ZHX2: variants seen among roughly 807,000 people sequenced by gnomAD.
ZHX2 encodes the protein zinc fingers and homeoboxes 2.
A neutral mutation model predicts 21.9 loss-of-function variants in ZHX2; 6 were observed. The observed-to-expected ratio is 0.27, with a 90% CI of 0.15 to 0.54. ZHX2 has a LOEUF of 0.54. Ranked by LOEUF, ZHX2 falls within the 20% of genes least tolerant of loss-of-function variation. The probability of loss-of-function intolerance (pLI) is 0.95; values close to 1 mark genes in which losing one functional copy is unlikely to be tolerated. For missense variants in ZHX2, 908 were observed against 1,090.7 expected (o/e 0.83, Z 2.36); for synonymous variants, 434 against 437.1 (o/e 0.99, Z 0.09).
intron 2 of ZHX2, among the ~76,000 whole-genome samples, chr8:122,899,951 G>A (rs777933826): frequency 1.3e-5 from 2 of 152,192 alleles, no homozygotes; most frequent in Non-Finnish European, 2.9e-5. Flanking sequence ...ACATTATGTT[G>A]AGTTTAGGCG....
chr8:122,854,906 C>A (rs1818993018), intron 1 of ZHX2, among the ~76,000 whole-genome samples: 1 of 152,204 alleles, frequency 6.6e-6, no homozygotes. Context: ...TGATTTCAAG[C>A]TCATTGAAAG....
At chr8:122,814,339 C>T (rs1437331381) in intron 1 of ZHX2, among the ~76,000 whole-genome samples, 1 of 152,222 alleles carries the variant, frequency 6.6e-6, no homozygotes, top group Non-Finnish European at 1.5e-5. Flanking sequence ...TTGACACCCA[C>T]TGGCCACATT....
chr8:122,868,959 A>G (rs1428166892), intron 2 of ZHX2, among the ~76,000 whole-genome samples: 1 of 152,200 alleles, frequency 6.6e-6, no homozygotes, highest in Non-Finnish European at 1.5e-5. Flanking sequence ...GCCGAGACTC[A>G]TTAGGACTCC....
chr8:122,958,979 G>C (rs1482723103), intron 3 of ZHX2, among the ~76,000 whole-genome samples: 2 of 152,188 alleles, frequency 1.3e-5, no homozygotes, highest in African/African-American at 2.4e-5. Flanking sequence ...ACAGAAACCA[G>C]AGGAGCTAGG....
rs183444593 is a variant in ZHX2, at chr8:122,861,031, G to A, written c.-282-2446G>A. ...CAGCCTGGAGACAGAGCAAGACTTC[G>A]TCTCAAAAAAAAAAAAAAAAAAAAA... On this transcript the variant is annotated intron_variant, in intron 1 of 3. Transcript: ENST00000314393. Among the ~76,000 whole-genome samples the A allele has an allele frequency of 6.8e-4, 72 of 105,602 alleles. No homozygotes were observed. The East Asian group carries it at 0.019, about 27-fold the overall frequency. The allele number at this position is 105,602 out of a possible 152,430, so 69.3% of individuals were successfully genotyped here. A position where few individuals can be genotyped will look rare whatever the true frequency, so the allele number is the denominator to read the frequency against.
intron 2 of ZHX2, among the ~76,000 whole-genome samples, chr8:122,913,542 A>G (rs1378121153): frequency 6.6e-6 from 1 of 152,204 alleles, no homozygotes; most frequent in Non-Finnish European, 1.5e-5. Context: ...ACTTATTGGC[A>G]GGTGGGACTC....
chr8:122,798,463 G>A (rs1817655732), intron 1 of ZHX2, among the ~76,000 whole-genome samples: 1 of 152,144 alleles, frequency 6.6e-6, no homozygotes, highest in Non-Finnish European at 1.5e-5. Flanking sequence ...TTTTGGCTCT[G>A]AATACATTGC....
intron 1 of ZHX2, among the ~76,000 whole-genome samples, chr8:122,856,413 A>T (rs1364799200): frequency 6.6e-6 from 1 of 152,122 alleles, no homozygotes; most frequent in African/African-American, 2.4e-5. Flanking sequence ...TTTAGGGATT[A>T]TGGAGAACCC....
chr8:122,873,352 T>C (rs1381668827), intron 2 of ZHX2, among the ~76,000 whole-genome samples: 3 of 152,168 alleles, frequency 2.0e-5, no homozygotes, highest in Non-Finnish European at 4.4e-5. Flanking sequence ...CTCTGTAGCA[T>C]GCTAACCCCA....
chr8:122,921,154 A>T (rs1166414666), intron 2 of ZHX2, among the ~76,000 whole-genome samples: 1 of 151,458 alleles, frequency 6.6e-6, no homozygotes, highest in Non-Finnish European at 1.5e-5. Flanking sequence ...ATCTCTGCTC[A>T]CTCTGCAACC....
chr8:122,940,489 G>A (rs1208067204), intron 2 of ZHX2, among the ~76,000 whole-genome samples: 1 of 152,136 alleles, frequency 6.6e-6, no homozygotes, highest in African/African-American at 2.4e-5. Context: ...CCTCCTCTCA[G>A]GGCCCCGTGT....
At chr8:122,817,794 C>T (rs183247271) in intron 1 of ZHX2, among the ~76,000 whole-genome samples, 1 of 152,304 alleles carries the variant, frequency 6.6e-6, no homozygotes, top group Admixed American at 6.5e-5. Flanking sequence ...GCTAGATGGC[C>T]TGTGGACACT....
intron 1 of ZHX2, among the ~76,000 whole-genome samples, chr8:122,862,663 G>T (rs1000433607): frequency 6.6e-6 from 1 of 152,160 alleles, no homozygotes; most frequent in South Asian, 2.1e-4. Context: ...CCAGCCAAAA[G>T]GTTCTCCTTT....
At chr8:122,886,446 G>T (rs192258533) in intron 2 of ZHX2, among the ~76,000 whole-genome samples, 1 of 152,260 alleles carries the variant, frequency 6.6e-6, no homozygotes, top group African/African-American at 2.4e-5. Context: ...CAGCACAGGG[G>T]TGAACGCTCA....
intron 3 of ZHX2, among the ~76,000 whole-genome samples, chr8:122,966,619 T>C (rs1189537060): frequency 3.3e-5 from 5 of 152,242 alleles, no homozygotes; most frequent in Admixed American, 6.5e-5. Context: ...GATAACCTGA[T>C]GACCATGTGC....
At chr8:122,851,695 C>T (rs571030944) in intron 1 of ZHX2, among the ~76,000 whole-genome samples, 4 of 152,342 alleles carry the variant, frequency 2.6e-5, no homozygotes, top group Admixed American at 6.5e-5. Context: ...TATGCATGAC[C>T]TCATATCTCC....
At chr8:122,798,267 C>T (rs185909840) in intron 1 of ZHX2, among the ~76,000 whole-genome samples, 1 of 152,310 alleles carries the variant, frequency 6.6e-6, no homozygotes, top group Non-Finnish European at 1.5e-5. Flanking sequence ...AGGAAATATT[C>T]GAGCCCCTAC....
intron 2 of ZHX2, among the ~76,000 whole-genome samples, chr8:122,923,545 G>A (rs1820784972): frequency 6.6e-6 from 1 of 152,152 alleles, no homozygotes; most frequent in East Asian, 1.9e-4. Flanking sequence ...AGGGAGGTAG[G>A]GATGGGAACA....
At position 122,951,458 on chromosome 8, in the gene ZHX2, C is replaced by T. The variant is rs116771558; in HGVS notation, c.-53C>T. On this transcript the variant is annotated 5_prime_UTR_variant, in exon 3 of 4. Transcript: ENST00000314393. Reference sequence around the variant, plus strand: ...ACCTTATTCGTTCCAAGAATCTCACCGCCCCCTCCTTATCCCCCTCCAAAA... The same window carrying T: ...ACCTTATTCGTTCCAAGAATCTCACTGCCCCCTCCTTATCCCCCTCCAAAA... 1,467 of 1,486,772 alleles carry T rather than the reference C, an allele frequency of 9.9e-4. 12 individuals are homozygous for T. In the African/African-American group the frequency reaches 0.017, roughly 18 times the overall value. The allele number at this position is 1,486,772 out of a possible 1,614,324, so 92.1% of individuals were successfully genotyped here. A position where few individuals can be genotyped will look rare whatever the true frequency, so the allele number is the denominator to read the frequency against.
Sources: gnomAD v4.1 joint callset for allele counts (sites outside exome capture counted in the v4.1 genomes callset) on GRCh38, gnomAD v4.1.1 for gene constraint, MANE v1.5 for transcripts, NCBI Gene and HGNC (gene_info 2026-07-23, HGNC 2026-07-21) for gene names.